Variants in PACRG observed in about 807,000 individuals in gnomAD.
The protein encoded by PACRG is parkin coregulated gene protein.
A neutral mutation model predicts 29.7 loss-of-function variants in PACRG; 29 were observed. The ratio of observed to expected loss-of-function variants is 0.98; its 90% confidence interval spans 0.73 to 1.33. PACRG has a LOEUF of 1.33. Ranked by LOEUF, PACRG falls within the 40% of genes most tolerant of loss-of-function variation. PACRG has a pLI of 0.00. For synonymous variants in PACRG, 116 were observed against 118.7 expected, an observed-to-expected ratio of 0.98 and a Z score of 0.15; for missense variants, 279 against 316.2, an observed-to-expected ratio of 0.88 and a Z score of 0.89.
intron 2 of PACRG, among the ~76,000 whole-genome samples, chr6:163,049,650 T>C (rs544373507): frequency 3.0e-4 from 46 of 152,122 alleles, no homozygotes; most frequent in African/African-American, 1.1e-3. Flanking sequence ...GAAAATACAA[T>C]TCTCAGAAAA....
intron 4 of PACRG, among the ~76,000 whole-genome samples, chr6:163,122,603 G>A (rs7773784): frequency 0.014 from 2,202 of 152,132 alleles, 59 homozygotes; most frequent in African/African-American, 0.05. Context: ...GCTCCCCTTC[G>A]ACTTCCACTG....
intron 1 of PACRG, among the ~76,000 whole-genome samples, chr6:162,747,410 A>G (rs1335589712): frequency 8.2e-6 from 1 of 122,690 alleles, no homozygotes; most frequent in Middle Eastern, 3.9e-3. Flanking sequence ...ATGTATATAT[A>G]TATATAACTA....
chr6:163,110,296 C>A (rs1815639818), intron 4 of PACRG, among the ~76,000 whole-genome samples: 1 of 152,214 alleles, frequency 6.6e-6, no homozygotes, highest in African/African-American at 2.4e-5. Flanking sequence ...AAAAACCATT[C>A]ATTCATCTAT....
rs142398883 is a variant in PACRG at position 162,996,106 on chromosome 6, A to G, written c.292-66044A>G. Among the ~76,000 whole-genome samples the G allele has an allele frequency of 3.8e-3, 575 of 152,316 alleles. 4 individuals are homozygous for G. Among genetic ancestry groups the G allele is most frequent in the African/African-American group, 0.013 (532 of 41,568 alleles). On this transcript the variant is annotated intron_variant, in intron 2 of 4. Coordinates refer to ENST00000366888, the MANE Select transcript of PACRG (RefSeq NM_001080379.2). Reference sequence around the variant, plus strand: ...TGTATACTTGTAATTTGCTAAGAGAATAAATTAAATCTTCTCACCACTCGT... The same window carrying G: ...TGTATACTTGTAATTTGCTAAGAGAGTAAATTAAATCTTCTCACCACTCGT...
intron 2 of PACRG, among the ~76,000 whole-genome samples, chr6:162,922,522 A>G (rs1797138534): frequency 6.6e-6 from 1 of 151,942 alleles, no homozygotes; most frequent in Non-Finnish European, 1.5e-5. Flanking sequence ...CCTCCTATGT[A>G]GCTATAATTT....
rs1230892487 is a variant in PACRG, at chr6:162,853,565, AG to A, written c.291+39286del. Reference sequence around the variant, plus strand: ...ACAAAGCTATACTACCAGATAACACAGGAACAGAAAACCAAATACCACATGT... The same window carrying A: ...ACAAAGCTATACTACCAGATAACACAGAACAGAAAACCAAATACCACATGT... On this transcript the variant is annotated intron_variant, in intron 2 of 4. Coordinates refer to ENST00000366888, the MANE Select transcript of PACRG (RefSeq NM_001080379.2). The surrounding 1 kb of genome is among the most constrained non-coding windows in gnomAD (Gnocchi z 4.7). Among the ~76,000 whole-genome samples, 1 of 152,252 alleles carries A rather than the reference AG, an allele frequency of 6.6e-6. No homozygotes were observed. The highest frequency in any genetic ancestry group is 1.5e-5 in the Non-Finnish European group (1 of 68,044).
At chr6:162,763,040 G>A (rs565353995) in intron 1 of PACRG, among the ~76,000 whole-genome samples, 1 of 152,298 alleles carries the variant, frequency 6.6e-6, no homozygotes, top group African/African-American at 2.4e-5. Flanking sequence ...GATCCTGGCA[G>A]GTTCTGTGTT....
chr6:163,283,099 T>C (rs1261258269), intron 4 of PACRG, among the ~76,000 whole-genome samples: 3 of 152,260 alleles, frequency 2.0e-5, no homozygotes, highest in African/African-American at 7.2e-5. Context: ...TATGACATGA[T>C]AATTTTCATG....
chr6:162,931,055 G>C (rs572407277), intron 2 of PACRG, among the ~76,000 whole-genome samples: 1 of 151,604 alleles, frequency 6.6e-6, no homozygotes, highest in Non-Finnish European at 1.5e-5. Context: ...TTGTGTCCTT[G>C]TCTGATTTTG....
At chr6:163,139,535 G>A (rs1326283024) in intron 4 of PACRG, among the ~76,000 whole-genome samples, 1 of 152,082 alleles carries the variant, frequency 6.6e-6, no homozygotes, top group Admixed American at 6.5e-5. Flanking sequence ...GTTGCCTGAG[G>A]CTCAGAGGAG....
chr6:163,052,730 G>C (rs953493587), intron 2 of PACRG, among the ~76,000 whole-genome samples: 4 of 152,074 alleles, frequency 2.6e-5, no homozygotes, highest in Non-Finnish European at 4.4e-5. Context: ...ATGTGAAAAC[G>C]GACTAATACA....
At chr6:162,882,988 T>C (rs1430376082) in intron 2 of PACRG, among the ~76,000 whole-genome samples, 1 of 152,236 alleles carries the variant, frequency 6.6e-6, no homozygotes, top group African/African-American at 2.4e-5. Flanking sequence ...CTCTCTGCGC[T>C]CTGACCCTCA....
At chr6:163,193,952 C>T (rs62427647) in intron 4 of PACRG, among the ~76,000 whole-genome samples, 33,846 of 148,370 alleles carry the variant, frequency 0.23, 4,206 homozygotes, top group East Asian at 0.3. Context: ...GAGTGCAGTG[C>T]CGCGATCTCG....
intron 1 of PACRG, among the ~76,000 whole-genome samples, chr6:162,761,105 C>T (rs1782323222): frequency 6.6e-6 from 1 of 152,094 alleles, no homozygotes; most frequent in Non-Finnish European, 1.5e-5. Context: ...GTGGCTGATG[C>T]CCCAGCCCGC....
chr6:162,744,914 A>G (rs1387371534), intron 1 of PACRG, among the ~76,000 whole-genome samples: 1 of 152,152 alleles, frequency 6.6e-6, no homozygotes, highest in South Asian at 2.1e-4. Context: ...TTTTTTAACC[A>G]TATCACAGAA....
At chr6:163,187,910 C>T (rs1780028383) in intron 4 of PACRG, 1 of 152,248 alleles carries the variant, frequency 6.6e-6, no homozygotes, top group Admixed American at 6.5e-5. Context: ...CTTTATATTC[C>T]TCGGGTCTAG....
At chr6:163,218,599 A>G (rs1438589847) in intron 4 of PACRG, among the ~76,000 whole-genome samples, 1 of 152,096 alleles carries the variant, frequency 6.6e-6, no homozygotes, top group East Asian at 1.9e-4. Context: ...GGTGTTGCCA[A>G]ACCCAAGGTC....
intron 4 of PACRG, among the ~76,000 whole-genome samples, chr6:163,146,354 G>C (rs1475194068): frequency 5.9e-5 from 9 of 152,174 alleles, no homozygotes; most frequent in Non-Finnish European, 1.3e-4. Context: ...TTCAGAATCA[G>C]AAGTCAAGTT....
intron 2 of PACRG, among the ~76,000 whole-genome samples, chr6:163,007,120 A>G (rs891159011): frequency 1.7e-4 from 26 of 152,092 alleles, no homozygotes; most frequent in African/African-American, 6.3e-4. Flanking sequence ...TTTGCAGCAC[A>G]TATTTTTAAC....
Sources: gnomAD v4.1 joint callset for allele counts (sites outside exome capture counted in the v4.1 genomes callset) on GRCh38, gnomAD v4.1.1 for gene constraint, Gnocchi (gnomAD v3.1) non-coding constraint, MANE v1.5 for transcripts, NCBI Gene and HGNC (gene_info 2026-07-23, HGNC 2026-07-21) for gene names.